The following ZNF804B variants were observed in gnomAD, a reference collection of about 807,000 sequenced individuals.
ZNF804B encodes the protein zinc finger 804B.
Under a neutral mutation model 101.4 loss-of-function variants are expected in ZNF804B, and 80 were observed. The observed-to-expected ratio is 0.79, with a 90% CI of 0.66 to 0.95. The LOEUF (loss-of-function observed/expected upper bound fraction) is 0.95, where lower values mean the gene tolerates loss of function less well. ZNF804B is among the 40% of genes least tolerant of loss of function. ZNF804B has a pLI of 0.00. For missense variants in ZNF804B, 1,673 were observed against 1,561.9 expected (o/e 1.07, Z -1.20); for synonymous variants, 622 against 558.8 (o/e 1.11, Z -1.59).
At chr7:89,293,042 C>T (rs1354052469) in intron 2 of ZNF804B, among the ~76,000 whole-genome samples, 1 of 151,814 alleles carries the variant, frequency 6.6e-6, no homozygotes, top group African/African-American at 2.4e-5. Context: ...GTTATTTCTA[C>T]TCTATTGTTT....
intron 1 of ZNF804B, among the ~76,000 whole-genome samples, chr7:88,800,042 C>T (rs13231281): frequency 3.3e-5 from 5 of 151,742 alleles, no homozygotes; most frequent in South Asian, 2.1e-4. Flanking sequence ...CAGGTCCTAG[C>T]GAAACAAAAC....
chr7:89,211,156 TG>T (rs1788796788), intron 1 of ZNF804B, among the ~76,000 whole-genome samples: 1 of 152,236 alleles, frequency 6.6e-6, no homozygotes. Context: ...GAGGAGTGTC[TG>T]TTCATGCCCT....
intron 2 of ZNF804B, among the ~76,000 whole-genome samples, chr7:89,286,280 A>T (rs1334406891): frequency 6.6e-6 from 1 of 152,172 alleles, no homozygotes; most frequent in Non-Finnish European, 1.5e-5. Context: ...ATTCTGTCTC[A>T]AAAGAAAAGA....
intron 1 of ZNF804B, among the ~76,000 whole-genome samples, chr7:89,143,213 A>G (rs1299169714): frequency 6.6e-6 from 1 of 151,916 alleles, no homozygotes; most frequent in African/African-American, 2.4e-5. Flanking sequence ...TATTATAACG[A>G]TGGTATAATG....
intron 1 of ZNF804B, among the ~76,000 whole-genome samples, chr7:88,822,772 A>G (rs1276818443): frequency 6.6e-6 from 1 of 152,074 alleles, no homozygotes; most frequent in Non-Finnish European, 1.5e-5. Flanking sequence ...AATTTAAATT[A>G]TTTTCCACTT....
intron 1 of ZNF804B, among the ~76,000 whole-genome samples, chr7:89,002,709 T>C (rs1406249606): frequency 6.6e-6 from 1 of 151,928 alleles, no homozygotes; most frequent in Non-Finnish European, 1.5e-5. Flanking sequence ...TCAGCTATAG[T>C]CTTCTTATCT....
At chr7:89,278,775 CA>C (rs957140628) in intron 2 of ZNF804B, among the ~76,000 whole-genome samples, 95 of 150,344 alleles carry the variant, frequency 6.3e-4, no homozygotes, top group African/African-American at 2.1e-3. Context: ...AGTTTGAAGT[CA>C]GGTAGCATGA....
At chr7:88,950,946 C>T (rs1214844664) in intron 1 of ZNF804B, among the ~76,000 whole-genome samples, 3 of 150,842 alleles carry the variant, frequency 2.0e-5, no homozygotes, top group Non-Finnish European at 4.4e-5. Context: ...TTTGGCTCAG[C>T]TTTTACTCTA....
chr7:89,290,706 C>T lies in ZNF804B; in HGVS notation c.250-36638C>T, dbSNP rs117779997. On this transcript the variant is annotated intron_variant, in intron 2 of 3. Coordinates refer to ENST00000333190, the MANE Select transcript of ZNF804B (RefSeq NM_181646.5). ...TGTGGTTTGAGTGCCAGCTCAGCCACGGTACAACAGAACACTAGATAATTT... is the reference window on the plus strand; with the variant it reads ...TGTGGTTTGAGTGCCAGCTCAGCCATGGTACAACAGAACACTAGATAATTT... Among the ~76,000 whole-genome samples, 699 of 152,202 alleles carry T rather than the reference C, an allele frequency of 4.6e-3. 5 individuals are homozygous for T. Among genetic ancestry groups the T allele is most frequent in the Middle Eastern group, 0.01 (3 of 294 alleles).
chr7:88,791,547 G>T (rs1052626422), intron 1 of ZNF804B, among the ~76,000 whole-genome samples: 2 of 151,854 alleles, frequency 1.3e-5, no homozygotes, highest in African/African-American at 4.8e-5. Context: ...AGTGAATTAG[G>T]TTTCTATTGG....
intron 1 of ZNF804B, among the ~76,000 whole-genome samples, chr7:89,065,890 G>A (rs572528702): frequency 7.2e-5 from 11 of 152,084 alleles, no homozygotes; most frequent in African/African-American, 2.7e-4. Context: ...GATAACCCAG[G>A]ATAATCTTCC....
intron 1 of ZNF804B, among the ~76,000 whole-genome samples, chr7:88,868,992 ATTTAT>A (rs961008569): frequency 3.3e-5 from 5 of 152,130 alleles, no homozygotes; most frequent in African/African-American, 1.2e-4. Context: ...ATATCCACAT[ATTTAT>A]TTTATTTTTA....
At chr7:89,115,021 G>C (rs1448226801) in intron 1 of ZNF804B, among the ~76,000 whole-genome samples, 1 of 152,038 alleles carries the variant, frequency 6.6e-6, no homozygotes, top group Non-Finnish European at 1.5e-5. Context: ...TCTAATGGAA[G>C]AAACTTAACT....
At chr7:88,844,213 C>A (rs1458713174) in intron 1 of ZNF804B, among the ~76,000 whole-genome samples, 1 of 152,134 alleles carries the variant, frequency 6.6e-6, no homozygotes, top group Non-Finnish European at 1.5e-5. Context: ...TTACTATACC[C>A]AAAAATGTTA....
intron 1 of ZNF804B, among the ~76,000 whole-genome samples, chr7:88,993,883 G>T (rs1042703126): frequency 2.0e-5 from 3 of 151,892 alleles, no homozygotes; most frequent in African/African-American, 7.2e-5. Flanking sequence ...AAAGAAACAA[G>T]TGATTATACA....
chr7:89,293,798 G>GAA (rs962150518), intron 2 of ZNF804B, among the ~76,000 whole-genome samples: 1 of 136,380 alleles, frequency 7.3e-6, no homozygotes, highest in African/African-American at 2.7e-5. Context: ...CAAAAAAAAA[G>GAA]AAAAAAAAAA....
At chr7:89,221,186 A>G (rs1216181704) in intron 2 of ZNF804B, among the ~76,000 whole-genome samples, 1 of 151,962 alleles carries the variant, frequency 6.6e-6, no homozygotes, top group Non-Finnish European at 1.5e-5. Flanking sequence ...ATTTGCTCAA[A>G]TATCTTTATT....
chr7:89,271,690 G>A lies in ZNF804B; in HGVS notation c.249+53395G>A, dbSNP rs565455063. On this transcript the variant is annotated intron_variant, in intron 2 of 3. Transcript: ENST00000333190. ...TCTGGTAGAATTCGGCTGTGAATCC[G>A]TCTGGTCCTGGACTTTTTTTGGTTG... Among the ~76,000 whole-genome samples the A allele has an allele frequency of 7.6e-3, 1,149 of 152,058 alleles. 3 individuals carry two copies. Among genetic ancestry groups the A allele is most frequent in the Non-Finnish European group, 0.012 (788 of 67,962 alleles).
At chr7:88,929,834 A>G (rs915600747) in intron 1 of ZNF804B, among the ~76,000 whole-genome samples, 1 of 151,994 alleles carries the variant, frequency 6.6e-6, no homozygotes, top group African/African-American at 2.4e-5. Context: ...GATTTAGTTT[A>G]TAAAAAATCC....
Sources: gnomAD v4.1 joint callset for allele counts (sites outside exome capture counted in the v4.1 genomes callset) on GRCh38, gnomAD v4.1.1 for gene constraint, MANE v1.5 for transcripts, NCBI Gene and HGNC (gene_info 2026-07-23, HGNC 2026-07-21) for gene names.